The following TDRD12 variants were observed in gnomAD, a reference collection of about 807,000 sequenced individuals.
TDRD12 encodes the protein tudor domain containing 12.
In TDRD12, 158 loss-of-function variants were observed where a neutral mutation model predicts 133.5. The observed-to-expected ratio is 1.18, with a 90% CI of 1.04 to 1.35. The LOEUF is 1.35. Among genes scored for constraint, TDRD12 ranks in the 40% most tolerant of loss-of-function variants. The pLI, the probability that TDRD12 is intolerant of heterozygous loss-of-function variation, is 0.00. For missense variants in TDRD12, 1,443 were observed against 1,321.3 expected (o/e 1.09, Z -1.43); for synonymous variants, 460 against 477.9 (o/e 0.96, Z 0.49).
intron 4 of TDRD12, among the ~76,000 whole-genome samples, chr19:32,744,514 A>AC (rs1470587538): frequency 2.7e-5 from 4 of 150,628 alleles, no homozygotes; most frequent in African/African-American, 9.7e-5. Context: ...AAAAAAAAAA[A>AC]AAAAAAAAAA....
intron 4 of TDRD12, among the ~76,000 whole-genome samples, chr19:32,746,286 G>T (rs979617826): frequency 6.9e-6 from 1 of 145,540 alleles, no homozygotes; most frequent in African/African-American, 2.6e-5. Flanking sequence ...GGCTGATGTG[G>T]TTATTCTGTG....
chr19:32,739,028 A>G (rs1359943196), intron 3 of TDRD12, 36 bp downstream of exon 3: 9 of 1,547,910 alleles, frequency 5.8e-6, no homozygotes, highest in South Asian at 1.2e-5. Flanking sequence ...CGCTCTTTTC[A>G]GAGACAAATG....
chr19:32,723,923 T>C (rs12984580), intron 1 of TDRD12, among the ~76,000 whole-genome samples: 76,101 of 151,956 alleles, frequency 0.5, 19,236 homozygotes, highest in African/African-American at 0.55. Flanking sequence ...AGTGCTGTAA[T>C]CACAACTTAC....
intron 1 of TDRD12, among the ~76,000 whole-genome samples, chr19:32,720,637 C>G (rs1968615117): frequency 3.0e-5 from 1 of 33,334 alleles, no homozygotes; most frequent in African/African-American, 1.8e-4. Context: ...ACAGTCACAC[C>G]CTCGCCCCTG....
intron 13 of TDRD12, among the ~76,000 whole-genome samples, chr19:32,791,715 T>C (rs1304127602): frequency 1.3e-5 from 2 of 152,002 alleles, no homozygotes; most frequent in Admixed American, 1.3e-4. Context: ...AGCAGCAAGG[T>C]TGGAGGCTCT....
At chr19:32,824,686 A>G (rs1967526491), downstream of TDRD12, among the ~76,000 whole-genome samples, 1 of 152,008 alleles carries the variant, frequency 6.6e-6, no homozygotes, top group South Asian at 2.1e-4. Context: ...TATCTTGTGT[A>G]AAGCTAGCTT....
At chr19:32,825,987 A>T (rs373730647), downstream of TDRD12, 1 of 694,570 alleles carries the variant, frequency 1.4e-6, no homozygotes. This position sits in a 1 kb window ranked among gnomAD's most constrained non-coding sequence, Gnocchi z 4.1. Flanking sequence ...CTTTTATGTG[A>T]TTCCTCATCT....
chr19:32,799,348 C>T (rs1232731571), intron 16 of TDRD12, among the ~76,000 whole-genome samples: 1 of 152,216 alleles, frequency 6.6e-6, no homozygotes, highest in Non-Finnish European at 1.5e-5. Flanking sequence ...ATGTGCACTC[C>T]TGTCAGCCAT....
chr19:32,800,473 A>T, intron 17 of TDRD12, 115 bp downstream of exon 17: 1 of 1,004,026 alleles, frequency 1.0e-6, no homozygotes, highest in Non-Finnish European at 1.4e-6. Context: ...AAACAATTAC[A>T]GCTTTGATTT....
intron 3 of TDRD12, 104 bp from the exon 4 acceptor site, chr19:32,742,677 T>C (rs1568452819): frequency 1.7e-6 from 2 of 1,181,112 alleles, no homozygotes; most frequent in Non-Finnish European, 2.3e-6. Context: ...GTTTTTTGTG[T>C]GTTTTGTTTT....
chr19:32,745,046 G>A (rs1348076505), intron 4 of TDRD12, among the ~76,000 whole-genome samples: 2 of 152,140 alleles, frequency 1.3e-5, no homozygotes, highest in South Asian at 2.1e-4. Context: ...AGGCCAATGC[G>A]CCCTACCAGG....
At chr19:32,772,997 T>C (rs1247473270) in intron 9 of TDRD12, 147 bp downstream of exon 9, 2 of 456,958 alleles carry the variant, frequency 4.4e-6, no homozygotes, top group Non-Finnish European at 7.6e-6. Flanking sequence ...GAAAATATAG[T>C]TTGCTTGTTT....
intron 11 of TDRD12, among the ~76,000 whole-genome samples, chr19:32,784,213 T>G (rs1217122177): frequency 6.6e-6 from 1 of 152,232 alleles, no homozygotes; most frequent in Non-Finnish European, 1.5e-5. Flanking sequence ...CTGTTGAATT[T>G]TGTCGAAGGC....
At chr19:32,801,701 T>C (rs949934952) in intron 18 of TDRD12, 55 bp from the exon 19 acceptor site, 2 of 583,684 alleles carry the variant, frequency 3.4e-6, no homozygotes, top group Non-Finnish European at 5.6e-6. Flanking sequence ...ATGGAACGGT[T>C]GGCTTCCAGC....
intron 27 of TDRD12, among the ~76,000 whole-genome samples, chr19:32,820,710 G>A (rs553964087): frequency 5.9e-5 from 9 of 152,304 alleles, no homozygotes; most frequent in Non-Finnish European, 4.4e-5. Flanking sequence ...ACTGGGTCAG[G>A]GGAAGCAGGA....
At chr19:32,746,575 TGA>T (rs375210947) in intron 4 of TDRD12, among the ~76,000 whole-genome samples, 5 of 123,356 alleles carry the variant, frequency 4.1e-5, no homozygotes, top group African/African-American at 6.0e-5. Flanking sequence ...TCTGTGTGTG[TGA>T]GAGAGAGAGA....
chr19:32,780,374 A>G (rs1447581118), intron 11 of TDRD12, among the ~76,000 whole-genome samples: 1 of 152,178 alleles, frequency 6.6e-6, no homozygotes, highest in Non-Finnish European at 1.5e-5. Flanking sequence ...GGCATGAGCC[A>G]CTGCACCTGG....
chr19:32,759,833 G>A (rs528099753), intron 8 of TDRD12, among the ~76,000 whole-genome samples: 13 of 152,326 alleles, frequency 8.5e-5, no homozygotes, highest in African/African-American at 1.4e-4. Context: ...CTGCCAGGGT[G>A]TCAGGCCGCT....
At chr19:32,815,821 C>T (rs1255964818) in intron 26 of TDRD12, among the ~76,000 whole-genome samples, 1 of 152,080 alleles carries the variant, frequency 6.6e-6, no homozygotes, top group African/African-American at 2.4e-5. Context: ...TGGTGAAACC[C>T]CGTTTTTACT....
Sources: gnomAD v4.1 joint callset for allele counts (sites outside exome capture counted in the v4.1 genomes callset) on GRCh38, gnomAD v4.1.1 for gene constraint, Gnocchi (gnomAD v3.1) non-coding constraint, MANE v1.5 for transcripts, NCBI Gene and HGNC (gene_info 2026-07-23, HGNC 2026-07-21) for gene names.